EML1: variants seen among roughly 807,000 people sequenced by gnomAD.
EML1 encodes the protein EMAP like 1.
Under a neutral mutation model 110.4 loss-of-function variants are expected in EML1, and 27 were observed. That is an observed-to-expected ratio of 0.24 (90% CI 0.18 to 0.34). The LOEUF (loss-of-function observed/expected upper bound fraction) is 0.34. Ranked by LOEUF, EML1 falls within the 10% of genes least tolerant of loss-of-function variation. The probability of loss-of-function intolerance (pLI) is 1.00; values close to 1 mark genes in which losing one functional copy is unlikely to be tolerated. For missense variants in EML1, 741 were observed against 1,030.9 expected, an observed-to-expected ratio of 0.72 and a Z score of 3.85; for synonymous variants, 344 against 385.8, an observed-to-expected ratio of 0.89 and a Z score of 1.27.
At chr14:99,818,850 T>C (rs2058214087) in intron 1 of EML1, among the ~76,000 whole-genome samples, 1 of 152,148 alleles carries the variant, frequency 6.6e-6, no homozygotes, top group Non-Finnish European at 1.5e-5. Context: ...ATCGTCCTGG[T>C]CCTTCACGTC....
chr14:99,850,642 G>A (rs2058780257), intron 1 of EML1, among the ~76,000 whole-genome samples: 1 of 152,196 alleles, frequency 6.6e-6, no homozygotes, highest in Non-Finnish European at 1.5e-5. Flanking sequence ...GAGTGCAAAT[G>A]TAGAGAATGA....
chr14:99,765,700 G>A (rs1354313374), intron 1 of EML1, among the ~76,000 whole-genome samples: 2 of 151,994 alleles, frequency 1.3e-5, no homozygotes, highest in African/African-American at 4.8e-5. Context: ...TGCCTCCTAG[G>A]CGCAGGTGAT....
At chr14:99,866,570 CAA>C (rs57796662) in intron 3 of EML1, among the ~76,000 whole-genome samples, 238 of 80,076 alleles carry the variant, frequency 3.0e-3, no homozygotes, top group African/African-American at 0.012. Context: ...AACTCCATCT[CAA>C]AAAAAAAAAA....
chr14:99,852,847 G>C (rs1325358572), intron 2 of EML1, among the ~76,000 whole-genome samples: 1 of 152,160 alleles, frequency 6.6e-6, no homozygotes, highest in Non-Finnish European at 1.5e-5. Context: ...CTGTTGGGCT[G>C]ATGTCTGCAT....
intron 7 of EML1, among the ~76,000 whole-genome samples, chr14:99,897,631 C>T (rs999210351): frequency 6.6e-6 from 1 of 152,130 alleles, no homozygotes; most frequent in Non-Finnish European, 1.5e-5. Context: ...CTTCACGGAC[C>T]ACATTGTCTC....
intron 1 of EML1, among the ~76,000 whole-genome samples, chr14:99,746,447 G>A (rs977099387): frequency 7.9e-5 from 12 of 152,154 alleles, no homozygotes; most frequent in African/African-American, 2.9e-4. Context: ...CAGCTATGTG[G>A]CGGAAGCACT....
rs1024366733 is a variant in EML1 at position 99,800,511 on chromosome 14, G to A, written c.67+6968G>A. ...CGAGTAGCTGGGACTATAGGCATGC[G>A]CCACCACACCTGGCTAAATTTTAAA... On this transcript the variant is annotated intron_variant, in intron 1 of 21. Transcript: ENST00000262233. 5.3e-5 allele frequency among the ~76,000 whole-genome samples: 8 copies of A among 151,936 alleles called. 1 individual carries two copies. The South Asian group carries it at 8.3e-4, about 16-fold the overall frequency.
chr14:99,907,101 A>G (rs376004210), intron 9 of EML1: 3 of 152,970 alleles, frequency 2.0e-5, no homozygotes, highest in Non-Finnish European at 4.4e-5. Flanking sequence ...CTCTTCCCCA[A>G]TTCCTGTTTC....
At chr14:99,829,864 T>C (rs1290487055) in intron 1 of EML1, among the ~76,000 whole-genome samples, 2 of 152,258 alleles carry the variant, frequency 1.3e-5, no homozygotes, top group East Asian at 1.9e-4. Context: ...ATTATATGGA[T>C]AGGTCCCATT....
chr14:99,834,994 A>ATTT (rs56351381), intron 1 of EML1, among the ~76,000 whole-genome samples: 2 of 151,246 alleles, frequency 1.3e-5, no homozygotes, highest in Non-Finnish European at 2.9e-5. Flanking sequence ...TAATTTTTGT[A>ATTT]TTTTTTTTGT....
At chr14:99,810,039 C>A (rs890616942) in intron 1 of EML1, among the ~76,000 whole-genome samples, 1 of 152,226 alleles carries the variant, frequency 6.6e-6, no homozygotes, top group Non-Finnish European at 1.5e-5. Context: ...TGCTGCAATG[C>A]GGCCCAGTCA....
chr14:99,886,162 AT>A (rs1369281116), intron 4 of EML1: 1 of 239,036 alleles, frequency 4.2e-6, no homozygotes, highest in African/African-American at 2.3e-5. Flanking sequence ...CAGGAACTTT[AT>A]TTCATCACGT....
At chr14:99,858,373 C>T (rs567351205) in intron 2 of EML1, among the ~76,000 whole-genome samples, 2 of 152,148 alleles carry the variant, frequency 1.3e-5, no homozygotes, top group East Asian at 1.9e-4. Flanking sequence ...TTAGTAGAGA[C>T]GGGTTTTCTC....
chr14:99,765,729 C>T (rs1437135660), intron 1 of EML1, among the ~76,000 whole-genome samples: 2 of 151,834 alleles, frequency 1.3e-5, no homozygotes, highest in Admixed American at 6.6e-5. Context: ...CTCAGCCTCT[C>T]GAGTAGCTGG....
intron 1 of EML1, among the ~76,000 whole-genome samples, chr14:99,811,056 G>T (rs78143508): frequency 2.7e-3 from 407 of 149,828 alleles, no homozygotes; most frequent in Non-Finnish European, 4.2e-3. Flanking sequence ...CCATATGGTG[G>T]TTCTCCCCGT....
chr14:99,882,000 C>G (rs2059393460), intron 4 of EML1, among the ~76,000 whole-genome samples: 1 of 152,060 alleles, frequency 6.6e-6, no homozygotes. Flanking sequence ...TATGGAAGAC[C>G]TTTATCTTAG....
intron 6 of EML1, 109 bp downstream of exon 6, chr14:99,894,867 C>A: frequency 7.4e-7 from 1 of 1,359,040 alleles, no homozygotes; most frequent in Non-Finnish European, 9.7e-7. Context: ...TTTTAAAAAA[C>A]AAAATGTTTT....
intron 1 of EML1, among the ~76,000 whole-genome samples, chr14:99,753,169 G>GCC (rs1366329385): frequency 1.8e-5 from 2 of 109,788 alleles, no homozygotes; most frequent in Non-Finnish European, 3.9e-5. Context: ...AGCAGCCGCA[G>GCC]CCCCCACCCC....
At chr14:99,865,438 A>G (rs1452182344) in intron 2 of EML1, 76 bp from the exon 3 acceptor site, 2 of 1,576,072 alleles carry the variant, frequency 1.3e-6, no homozygotes, top group African/African-American at 1.4e-5. Context: ...CCTAACAGGC[A>G]GTTGAGGACC....
Sources: gnomAD v4.1 joint callset for allele counts (sites outside exome capture counted in the v4.1 genomes callset) on GRCh38, gnomAD v4.1.1 for gene constraint, MANE v1.5 for transcripts, NCBI Gene and HGNC (gene_info 2026-07-23, HGNC 2026-07-21) for gene names.